NCR1: variants seen among roughly 807,000 people sequenced by gnomAD.
NCR1 encodes natural cytotoxicity triggering receptor 1, also known as NK cell-activating receptor.
Under a neutral mutation model 32.5 loss-of-function variants are expected in NCR1, and 30 were observed. That is an observed-to-expected ratio of 0.92 (90% CI 0.69 to 1.25). The LOEUF is 1.25. Ranked by LOEUF, NCR1 falls within the 50% of genes most tolerant of loss-of-function variation. The pLI is 0.00. For synonymous variants in NCR1, 169 were observed against 143.4 expected, an observed-to-expected ratio of 1.18 and a Z score of -1.28; for missense variants, 369 against 380.7, an observed-to-expected ratio of 0.97 and a Z score of 0.26.
chr19:54,912,526 G>A (rs1288447752), intron 6 of NCR1, among the ~76,000 whole-genome samples, 164 bp from the exon 7 acceptor site: 1 of 145,924 alleles, frequency 6.9e-6, no homozygotes, highest in Non-Finnish European at 1.5e-5. Flanking sequence ...TTGAACCCAG[G>A]AAGTGGAGGT....
chr19:54,901,156 G>T (rs1279015587), upstream of NCR1, among the ~76,000 whole-genome samples: 1 of 145,036 alleles, frequency 6.9e-6, no homozygotes, highest in Non-Finnish European at 1.5e-5. Context: ...CGGACGTGGT[G>T]GTGGGCACCT....
chr19:54,910,973 A>G lies in NCR1; in HGVS notation c.682+908A>G, dbSNP rs189186090. On this transcript the variant is annotated intron_variant, in intron 5 of 6. Coordinates refer to ENST00000291890, the MANE Select transcript of NCR1 (RefSeq NM_004829.7). Reference sequence around the variant, plus strand: ...GCAGGAAGATAACTGGGGTAATACAATAATAACTATGAGGCCAGGAGGGTT... The same window carrying G: ...GCAGGAAGATAACTGGGGTAATACAGTAATAACTATGAGGCCAGGAGGGTT... Among the ~76,000 whole-genome samples the G allele has an allele frequency of 4.7e-3, 712 of 152,296 alleles. 1 individual carries two copies. The Middle Eastern group carries it at 0.058, about 12-fold the overall frequency.
At chr19:54,903,319 T>C (rs587699125), upstream of NCR1, among the ~76,000 whole-genome samples, 12 of 130,974 alleles carry the variant, frequency 9.2e-5, no homozygotes, top group Non-Finnish European at 1.8e-4. Flanking sequence ...TATACATACA[T>C]GTATATATAC....
intron 3 of NCR1, 75 bp from the exon 4 acceptor site, chr19:54,909,170 T>G: frequency 6.9e-7 from 1 of 1,452,108 alleles, no homozygotes; most frequent in Non-Finnish European, 9.3e-7. Context: ...ACTCCATCTC[T>G]AAAGAAAGAA....
chr19:54,900,881 C>T, the NCR1 span, among the ~76,000 whole-genome samples: 8 of 152,052 alleles, frequency 5.3e-5, no homozygotes, highest in Admixed American at 3.9e-4. Context: ...ACTGTGTTGA[C>T]GGTTGCACCA....
chr19:54,926,871 GC>G, the NCR1 span, among the ~76,000 whole-genome samples: 1 of 148,108 alleles, frequency 6.8e-6, no homozygotes, highest in Non-Finnish European at 1.5e-5. Context: ...AGCCGAGATA[GC>G]GCCACTGCAC....
downstream of NCR1, chr19:54,913,205 C>T: frequency 5.6e-6 from 1 of 177,440 alleles, no homozygotes; most frequent in Non-Finnish European, 1.2e-5. Flanking sequence ...GGATTACAGG[C>T]ATGTGCCACC....
At chr19:54,903,520 G>A (rs111212230), upstream of NCR1, among the ~76,000 whole-genome samples, 7,718 of 127,314 alleles carry the variant, frequency 0.061, 221 homozygotes, top group African/African-American at 0.11. Flanking sequence ...GCATACATGT[G>A]TGTATACATA....
the NCR1 span, among the ~76,000 whole-genome samples, chr19:54,933,016 T>C: frequency 3.3e-5 from 5 of 152,142 alleles, no homozygotes; most frequent in South Asian, 1.0e-3. Flanking sequence ...TCATAGGAAT[T>C]TGAAAGAACA....
In NCR1 at chr19:54,912,686, A is replaced by G. The variant is rs771367301; in HGVS notation, c.734-4A>G. ...CAGCGATCACCCTGTTCTCCTGCCT[A>G]CAGACCATGCCCTCTGGGATCACAC... On this transcript the variant is annotated splice_region_variant and splice_polypyrimidine_tract_variant and intron_variant, in intron 6 of 6. Coordinates refer to ENST00000291890, the MANE Select transcript of NCR1 (RefSeq NM_004829.7). The G allele has an allele frequency of 6.3e-7, 1 of 1,599,828 alleles. No homozygotes were observed. Among genetic ancestry groups the G allele is most frequent in the South Asian group, 1.1e-5 (1 of 90,636 alleles).
chr19:54,909,456 AT>A lies in NCR1; in HGVS notation c.568del (p.Cys190ValfsTer17), dbSNP rs767836449. 10 of 1,612,354 alleles carry A rather than the reference AT, an allele frequency of 6.2e-6. No homozygotes were observed. The highest frequency in any genetic ancestry group is 1.6e-4 in the Middle Eastern group (1 of 6,062). On this transcript the variant is annotated frameshift_variant, in exon 4 of 7. Transcript: ENST00000291890. LOFTEE classifies it high-confidence loss of function. Reference protein sequence around the residue: ...VTTAHRGTYRCFGSYNNHAWS... With the variant: ...VTTAHRGTYRXFGSYNNHAWS... Reference sequence around the variant, plus strand: ...CCACAGCCCACAGAGGGACATACCGATGTTTTGGCTCCTATAACAACCATGC... The same window carrying A: ...CCACAGCCCACAGAGGGACATACCGAGTTTTGGCTCCTATAACAACCATGC...
chr19:54,927,812 G>A, the NCR1 span: 34 of 1,595,498 alleles, frequency 2.1e-5, no homozygotes, highest in Middle Eastern at 1.7e-4. Flanking sequence ...CGCATTCACT[G>A]AGCAGGTAGT....
At chr19:54,938,005 T>C in the NCR1 span, 1 of 1,491,268 alleles carries the variant, frequency 6.7e-7, no homozygotes, top group Non-Finnish European at 9.4e-7. Flanking sequence ...AGCTTAGTCA[T>C]CGTTCAGGGT....
At position 54,909,550 on chromosome 19, in the gene NCR1, C is replaced by G. The variant is rs145635167; in HGVS notation, c.634+27C>G. ...TGAGGAAATGCTCAATTCCCCACAC[C>G]CTTCGCCGCCATGTGCTACCTGGAG... On this transcript the variant is annotated intron_variant, in intron 4 of 6. Transcript: ENST00000291890. 2,366 of 1,587,096 alleles carry G rather than the reference C, an allele frequency of 1.5e-3. 48 individuals are homozygous for G. The South Asian group carries it at 0.02, about 14-fold the overall frequency.
chr19:54,902,656 G>A (rs2067320438), upstream of NCR1, among the ~76,000 whole-genome samples: 1 of 152,086 alleles, frequency 6.6e-6, no homozygotes, highest in South Asian at 2.1e-4. Context: ...ATATTTCTTT[G>A]GTGAAGGTAA....
the NCR1 span, chr19:54,930,400 C>G: frequency 2.5e-6 from 2 of 811,162 alleles, no homozygotes; most frequent in South Asian, 2.8e-5. Flanking sequence ...AGACCGAAGC[C>G]GCAGTGAGCC....
downstream of NCR1, among the ~76,000 whole-genome samples, chr19:54,919,719 C>A (rs193270385): frequency 1.6e-4 from 23 of 145,866 alleles, 1 homozygote; most frequent in East Asian, 4.7e-3. Context: ...GGGAGACCCC[C>A]CCCCCCACCC....
chr19:54,917,365 G>T (rs145309035), downstream of NCR1, among the ~76,000 whole-genome samples: 87 of 151,710 alleles, frequency 5.7e-4, no homozygotes, highest in East Asian at 0.017. Context: ...TGTCGCCCAG[G>T]ATGGAATGCA....
chr19:54,922,425 C>T, the NCR1 span, among the ~76,000 whole-genome samples: 5 of 151,916 alleles, frequency 3.3e-5, no homozygotes, highest in African/African-American at 4.8e-5. Flanking sequence ...AACGGGGAGG[C>T]GAGAGAGACA....
Sources: gnomAD v4.1 joint callset for allele counts (sites outside exome capture counted in the v4.1 genomes callset) on GRCh38, gnomAD v4.1.1 for gene constraint, MANE v1.5 for transcripts, NCBI Gene and HGNC (gene_info 2026-07-23, HGNC 2026-07-21) for gene names.